The following MRPL37 variants were observed in gnomAD, a reference collection of about 807,000 sequenced individuals.
MRPL37 encodes large ribosomal subunit protein mL37.
Under a neutral mutation model 44.1 loss-of-function variants are expected in MRPL37, and 34 were observed. The ratio of observed to expected loss-of-function variants is 0.77; its 90% CI spans 0.59 to 1.03. The LOEUF is 1.03. MRPL37 is among the 50% of genes least tolerant of loss of function. MRPL37 has a pLI of 0.00. For synonymous variants in MRPL37, 212 were observed against 219.5 expected (o/e 0.97, Z 0.30); for missense variants, 532 against 543.7 (o/e 0.98, Z 0.21).
chr1:54,225,026 C>G (rs934140047), downstream of MRPL37: 21 of 1,172,772 alleles, frequency 1.8e-5, no homozygotes, highest in Non-Finnish European at 2.1e-5. Flanking sequence ...CCAGTCCCAC[C>G]CGAGGGGAGA....
At chr1:54,222,422 A>G (rs147885443), downstream of MRPL37, among the ~76,000 whole-genome samples, 37 of 152,244 alleles carry the variant, frequency 2.4e-4, no homozygotes, top group African/African-American at 8.7e-4. Flanking sequence ...AAGGAAAAGC[A>G]GGAGTGTCCA....
chr1:54,210,227 G>A, intron 4 of MRPL37, 96 bp downstream of exon 4: 1 of 1,209,766 alleles, frequency 8.3e-7, no homozygotes, highest in Non-Finnish European at 1.2e-6. Flanking sequence ...CTAGGTGCTA[G>A]GCACCTCGTG....
downstream of MRPL37, among the ~76,000 whole-genome samples, chr1:54,224,053 C>CAG (rs538004950): frequency 1.3e-5 from 2 of 152,222 alleles, no homozygotes; most frequent in Non-Finnish European, 2.9e-5. Context: ...ACCTGCCTTC[C>CAG]TCCAGCTAGG....
At chr1:54,219,474 C>G (rs1644219427), downstream of MRPL37, among the ~76,000 whole-genome samples, 1 of 152,186 alleles carries the variant, frequency 6.6e-6, no homozygotes, top group Non-Finnish European at 1.5e-5. Flanking sequence ...CAGGAAGTGA[C>G]TGGAAGTGGG....
intron 1 of MRPL37, among the ~76,000 whole-genome samples, chr1:54,204,653 T>C (rs1403475592): frequency 6.6e-6 from 1 of 152,196 alleles, no homozygotes; most frequent in African/African-American, 2.4e-5. Flanking sequence ...GAAAGGATCT[T>C]AAATGAAAGG....
chr1:54,218,042 CGAGA>C, intron 6 of MRPL37, 126 bp from the exon 7 acceptor site: 1 of 877,472 alleles, frequency 1.1e-6, no homozygotes, highest in East Asian at 2.4e-5. Flanking sequence ...CTTCTTAGTC[CGAGA>C]GAGAGACGAT....
intron 3 of MRPL37, among the ~76,000 whole-genome samples, chr1:54,209,739 G>A (rs1327688461): frequency 1.3e-5 from 2 of 151,986 alleles, no homozygotes; most frequent in African/African-American, 4.8e-5. Context: ...GATTACAGGC[G>A]TGAGCCTACC....
downstream of MRPL37, among the ~76,000 whole-genome samples, chr1:54,224,733 G>T (rs542977791): frequency 6.6e-6 from 1 of 151,634 alleles, no homozygotes; most frequent in Non-Finnish European, 1.5e-5. Flanking sequence ...CTTTCTAGTC[G>T]TGCAAGTCAG....
chr1:54,212,610 C>T lies in MRPL37; in HGVS notation c.942C>T (p.Ile314=). 3.1e-6 allele frequency: 5 copies of T among 1,614,226 alleles called. No individual in the cohort carries two copies. Among genetic ancestry groups the T allele is most frequent in the Non-Finnish European group, 3.4e-6 (4 of 1,180,042 alleles). ...LQPDQLRAKM[I]LFAFGSALAQ... is the part of the protein sequence containing the mutation. Reference sequence around the variant, plus strand: ...CAGATCAGCTGCGGGCCAAGATGATCCTGTTTGCTTTTGGCAGTGCCCTGG... The same window carrying T: ...CAGATCAGCTGCGGGCCAAGATGATTCTGTTTGCTTTTGGCAGTGCCCTGG... Residue 314 remains isoleucine (I), a synonymous_variant, in exon 5 of 7, where the codon ATC becomes ATT. Coordinates refer to ENST00000360840, the MANE Select transcript of MRPL37 (RefSeq NM_016491.4).
In MRPL37 at chr1:54,218,207, A is replaced by G. The variant is rs200109831; in HGVS notation, c.1230A>G (p.Thr410=). Residue 410 remains threonine, a synonymous_variant, in exon 7 of 7, where the codon ACA becomes ACG. Transcript: ENST00000360840. Reference sequence around the variant, plus strand: ...GCCCAGTTGGTTTCAAGCCAGAGACATTCAGAAAGTTTTTAGCTCTATATT... The same window carrying G: ...GCCCAGTTGGTTTCAAGCCAGAGACGTTCAGAAAGTTTTTAGCTCTATATT... ...PVGPVGFKPE[T]FRKFLALYLH... is the part of the protein sequence containing the mutation. The G allele has an allele frequency of 1.4e-5, 23 of 1,614,122 alleles. No homozygotes were observed. Among genetic ancestry groups the G allele is most frequent in the Non-Finnish European group, 1.6e-5 (19 of 1,180,038 alleles).
intron 4 of MRPL37, among the ~76,000 whole-genome samples, chr1:54,210,652 T>G (rs1472935325): frequency 6.6e-6 from 1 of 152,166 alleles, no homozygotes; most frequent in Non-Finnish European, 1.5e-5. Context: ...GGAGTGAGAC[T>G]AGGCTGGCCC....
chr1:54,202,014 T>G (rs1207682701), intron 1 of MRPL37, among the ~76,000 whole-genome samples: 1 of 152,008 alleles, frequency 6.6e-6, no homozygotes, highest in Non-Finnish European at 1.5e-5. Context: ...CTTTTTTTTT[T>G]TTTTTTGAGA....
downstream of MRPL37, among the ~76,000 whole-genome samples, chr1:54,222,425 A>C (rs1041374232): frequency 2.0e-5 from 3 of 151,988 alleles, no homozygotes; most frequent in Admixed American, 1.3e-4. Context: ...GAAAAGCAGG[A>C]GTGTCCATGG....
intron 5 of MRPL37, among the ~76,000 whole-genome samples, chr1:54,213,657 A>G (rs1422092685): frequency 6.6e-6 from 1 of 152,186 alleles, no homozygotes; most frequent in Non-Finnish European, 1.5e-5. Context: ...TCTCAGACCT[A>G]CCCCAGACCT....
downstream of MRPL37, chr1:54,220,701 T>C (rs612711): frequency 0.62 from 294,190 of 471,194 alleles, 93,792 homozygotes; most frequent in African/African-American, 0.78. Flanking sequence ...GCAGCGGAAC[T>C]TGAGGGCCTC....
downstream of MRPL37, chr1:54,220,761 G>A (rs1327580498): frequency 2.1e-6 from 1 of 471,420 alleles, no homozygotes; most frequent in Non-Finnish European, 4.4e-6. Flanking sequence ...GCTGGTGAAG[G>A]AGCAGGAGCA....
At chr1:54,220,734 G>A (rs1017171697), downstream of MRPL37, 2 of 471,324 alleles carry the variant, frequency 4.2e-6, no homozygotes, top group Non-Finnish European at 8.8e-6. Flanking sequence ...GCCCAGTACA[G>A]GCTCCCCAGC....
downstream of MRPL37, chr1:54,225,246 C>T (rs143493602): frequency 1.9e-5 from 23 of 1,234,306 alleles, no homozygotes; most frequent in East Asian, 4.4e-4. Flanking sequence ...ACCCACCTTC[C>T]GCCAAGGCCA....
Position 54,212,501 on chromosome 1 carries a change from G to T in MRPL37, c.833G>T (p.Gly278Val), listed in dbSNP as rs1370659052. 6.2e-7 allele frequency: 1 copy of T among 1,613,678 alleles called. No individual in the cohort carries two copies. The highest frequency in any genetic ancestry group is 8.5e-7 in the Non-Finnish European group (1 of 1,179,840). ...CNIYDVKNDT[G>V]FQEGYPYPYP... ...CTCCACATAATTGTGTCTCTTGCAG[G>T]ATTCCAGGAAGGCTATCCTTACCCC... The change falls in exon 5 of 7, where the codon GGA becomes GTA. Residue 278 changes from glycine (G) to valine (V), a missense_variant and splice_region_variant. Transcript: ENST00000360840.
Sources: gnomAD v4.1 joint callset for allele counts (sites outside exome capture counted in the v4.1 genomes callset) on GRCh38, gnomAD v4.1.1 for gene constraint, MANE v1.5 for transcripts, NCBI Gene and HGNC (gene_info 2026-07-23, HGNC 2026-07-21) for gene names.